PLCH2: variants seen among roughly 807,000 people sequenced by gnomAD.
The protein encoded by PLCH2 is phospholipase C eta 2, also known as 1-phosphatidylinositol 4,5-bisphosphate phosphodiesterase eta-2.
A neutral mutation model predicts 134.7 loss-of-function variants in PLCH2; 98 were observed. The ratio of observed to expected loss-of-function variants is 0.73; its 90% CI spans 0.62 to 0.86. The LOEUF (loss-of-function observed/expected upper bound fraction) is 0.86, where lower values mean the gene tolerates loss of function less well. Ranked by LOEUF, PLCH2 falls within the 40% of genes least tolerant of loss-of-function variation. The pLI is 0.00. For synonymous variants in PLCH2, 974 were observed against 827.5 expected (o/e 1.18, Z -3.04); for missense variants, 1,994 against 1,986.6 (o/e 1.00, Z -0.07).
At chr1:2,475,662 G>T (rs1005151595), upstream of PLCH2, among the ~76,000 whole-genome samples, 1 of 152,226 alleles carries the variant, frequency 6.6e-6, no homozygotes, top group Non-Finnish European at 1.5e-5. Context: ...GCAGAATGTG[G>T]GGACAAACGT....
At chr1:2,459,914 G>A (rs953928562) in intron 2 of PLCH2, among the ~76,000 whole-genome samples, 4 of 152,258 alleles carry the variant, frequency 2.6e-5, no homozygotes, top group African/African-American at 4.8e-5. Context: ...GCACCGTGAG[G>A]GGCCGGTCCA....
rs545735031 is a variant in PLCH2, at chr1:2,458,853, A to G, written c.116-19623A>G. Reference sequence around the variant, plus strand: ...CTGGCTTCTAATCTGCACTTATGCAACCATGGTAAAAAGTGACTACATCTG... The same window carrying G: ...CTGGCTTCTAATCTGCACTTATGCAGCCATGGTAAAAAGTGACTACATCTG... On this transcript the variant is annotated intron_variant, in intron 2 of 3. Coordinates refer to the PLCH2 transcript ENST00000609981. Among the ~76,000 whole-genome samples the G allele has an allele frequency of 3.9e-5, 6 of 152,258 alleles. No individual in the cohort carries two copies. The South Asian group carries it at 8.3e-4, about 21-fold the overall frequency.
In PLCH2 at chr1:2,499,136, G is replaced by T; in HGVS notation, c.2487G>T (p.Glu829Asp). 1 of 1,612,950 alleles carries T rather than the reference G, an allele frequency of 6.2e-7. No individual in the cohort carries two copies. The highest frequency in any genetic ancestry group is 8.5e-7 in the Non-Finnish European group (1 of 1,179,724). Residue 829 changes from glutamate to aspartate, a missense_variant, in exon 19 of 22, where the codon GAG becomes GAT. By Grantham distance (45) the Glu-to-Asp change is conservative. This residue lies in a region of PLCH2 where 1,094 missense variants were observed against 1,234.3 expected (regional missense o/e 0.89). Transcript: ENST00000378486. ...TGGTTTTCATGGTGCACATGCCGGA[G>T]ATCGCGCTGGTCCGCTTCCTCGTCT... The part of the protein sequence containing the change: ...ETLVFMVHMP[E>D]IALVRFLVWD...
chr1:2,424,927 A>G (rs1009606252), upstream of PLCH2, among the ~76,000 whole-genome samples: 2 of 152,214 alleles, frequency 1.3e-5, no homozygotes, highest in African/African-American at 4.8e-5. Flanking sequence ...CGAAGGTTGC[A>G]GTGAGCTGAG....
chr1:2,470,081 G>A (rs528586391), intron 1 of PLCH2, among the ~76,000 whole-genome samples: 1 of 152,344 alleles, frequency 6.6e-6, no homozygotes, highest in Non-Finnish European at 1.5e-5. Context: ...ACTTGGGGAC[G>A]GTGGCCACAC....
intron 2 of PLCH2, among the ~76,000 whole-genome samples, chr1:2,442,765 C>T (rs866088346): frequency 6.6e-6 from 1 of 152,206 alleles, no homozygotes; most frequent in African/African-American, 2.4e-5. Context: ...TGCAGGAGCC[C>T]TTCTTGTTCC....
intron 2 of PLCH2, among the ~76,000 whole-genome samples, chr1:2,455,908 G>A (rs1160726251): frequency 6.6e-6 from 1 of 152,258 alleles, no homozygotes; most frequent in Non-Finnish European, 1.5e-5. Context: ...GGCTGTGTGC[G>A]TGTGTGTGCC....
chr1:2,489,499 C>G, intron 9 of PLCH2, 121 bp downstream of exon 9: 1 of 1,048,200 alleles, frequency 9.5e-7, no homozygotes. Context: ...GGGCTGAGGG[C>G]TGGCCACGCT....
chr1:2,424,073 A>G (rs1638653937), upstream of PLCH2, among the ~76,000 whole-genome samples: 1 of 152,200 alleles, frequency 6.6e-6, no homozygotes, highest in East Asian at 1.9e-4. Context: ...TTCATTTTTA[A>G]AAGTATATAT....
rs373659230 is a variant in PLCH2 at position 2,494,916 on chromosome 1, C to T, written c.1720C>T (p.Arg574Cys). ...TGCCGGGGCCAGCAGACGCAATGGC[C>T]GCCTCGTCGTGGGAAGCTTCTCCAG... The part of the protein sequence containing the change: ...EDAGASRRNG[R>C]LVVGSFSRRK... The change falls in exon 12 of 22, where the codon CGC becomes TGC. Residue 574 changes from arginine to cysteine, a missense_variant. By Grantham distance (180) the Arg-to-Cys change is radical. Around this residue, in one of 2 missense-constraint regions of PLCH2, gnomAD observed 1,094 missense variants for 1,234.3 expected, o/e 0.89. Coordinates refer to ENST00000378486, the MANE Select transcript of PLCH2 (RefSeq NM_014638.4). 6.9e-6 allele frequency: 11 copies of T among 1,602,602 alleles called. No homozygotes were observed. Among genetic ancestry groups the T allele is most frequent in the Middle Eastern group, 1.7e-4 (1 of 6,048 alleles).
At chr1:2,490,962 C>G (rs1303299102) in intron 10 of PLCH2, among the ~76,000 whole-genome samples, 1 of 152,256 alleles carries the variant, frequency 6.6e-6, no homozygotes, top group African/African-American at 2.4e-5. Flanking sequence ...GGCCACAGGG[C>G]CAGAAGCCGC....
At chr1:2,430,677 TCTC>T (rs1639026990) in intron 2 of PLCH2, 2 of 143,842 alleles carry the variant, frequency 1.4e-5, no homozygotes, top group African/African-American at 5.0e-5. Context: ...ACATTGTTCT[TCTC>T]CTGCTGAGTG....
chr1:2,486,785 T>C, intron 5 of PLCH2, 122 bp from the exon 6 acceptor site: 1 of 750,444 alleles, frequency 1.3e-6, no homozygotes, highest in South Asian at 1.6e-5. Flanking sequence ...TGGAGCTGGC[T>C]GGCCATGGTC....
At chr1:2,487,073 C>T (rs532276152) in intron 6 of PLCH2, 73 bp downstream of exon 6, 45 of 1,508,808 alleles carry the variant, frequency 3.0e-5, no homozygotes, top group Admixed American at 2.3e-4. Context: ...ACCTGTGGGC[C>T]GGGACAGGTG....
rs568778254 is a variant in PLCH2 at position 2,482,670 on chromosome 1, G to A, written c.646-1778G>A. On this transcript the variant is annotated intron_variant, in intron 4 of 21. Transcript: ENST00000378486. ...GGACAGGGACAAAGGGGCTGATGGG[G>A]CCACCTGACTGGTGACTCCCCTGGC... 7.2e-5 allele frequency among the ~76,000 whole-genome samples: 11 copies of A among 152,276 alleles called. No individual in the cohort carries two copies. In the South Asian group the frequency reaches 2.1e-3, roughly 29 times the overall value.
At chr1:2,495,014 C>T (rs1041936177) in intron 12 of PLCH2, 66 bp downstream of exon 12, 37 of 1,062,796 alleles carry the variant, frequency 3.5e-5, no homozygotes, top group African/African-American at 1.5e-4. Context: ...CCCAGTGCCC[C>T]GTGTCCTCCC....
upstream of PLCH2, among the ~76,000 whole-genome samples, chr1:2,464,751 T>A (rs1438352559): frequency 6.6e-6 from 1 of 152,196 alleles, no homozygotes; most frequent in Non-Finnish European, 1.5e-5. Context: ...TTGGGGCCTC[T>A]GTCCAGCCTG....
chr1:2,429,481 A>T (rs908289409), intron 1 of PLCH2, among the ~76,000 whole-genome samples: 2 of 152,052 alleles, frequency 1.3e-5, no homozygotes, highest in Non-Finnish European at 2.9e-5. Flanking sequence ...TTGGCGGGTG[A>T]TGTGGTGGAA....
rs74528856 is a variant in PLCH2 at position 2,439,252 on chromosome 1, G to A, written c.115+8623G>A. 1.3e-5 allele frequency among the ~76,000 whole-genome samples: 2 copies of A among 151,170 alleles called. No individual in the cohort carries two copies. Among genetic ancestry groups the A allele is most frequent in the Non-Finnish European group, 2.9e-5 (2 of 67,868 alleles). ...GCCTATAAAGACCTTTGGCCCCCCC[G>A]AGGGTGTCCTCACCCTTCTCGCTGG... On this transcript the variant is annotated intron_variant, in intron 2 of 3. Coordinates refer to the PLCH2 transcript ENST00000609981. The surrounding 1 kb of genome is among the most constrained non-coding windows in gnomAD (Gnocchi z 4.7).
Sources: allele counts gnomAD v4.1 joint callset (sites outside exome capture counted in the v4.1 genomes callset), GRCh38; gene constraint gnomAD v4.1.1; regional missense constraint gnomAD v4.1.1; non-coding constraint Gnocchi (gnomAD v3.1); transcripts MANE v1.5; gene names NCBI Gene and HGNC (gene_info 2026-07-23, HGNC 2026-07-21).